APLP2: variants seen among roughly 807,000 people sequenced by gnomAD.
APLP2 encodes CDEI box-binding protein.
A neutral mutation model predicts 89.9 loss-of-function variants in APLP2; 53 were observed. That is an observed-to-expected ratio of 0.59 (90% confidence interval 0.47 to 0.74). The LOEUF is 0.74. Among genes scored for constraint, APLP2 ranks in the 30% least tolerant of loss-of-function variants. The pLI is 0.00. For synonymous variants in APLP2, 372 were observed against 348.6 expected, an observed-to-expected ratio of 1.07 and a Z score of -0.75; for missense variants, 973 against 975.9, an observed-to-expected ratio of 1.00 and a Z score of 0.04.
In APLP2 at chr11:130,142,012, G is replaced by A. The variant is rs367626362; in HGVS notation, c.2092G>A (p.Val698Ile). 131 of 1,613,824 alleles carry A rather than the reference G, an allele frequency of 8.1e-5. 1 individual carries two copies. Among genetic ancestry groups the A allele is most frequent in the Non-Finnish European group, 1.0e-4 (123 of 1,180,006 alleles). The change falls in exon 16 of 17, where the codon GTC (valine) becomes ATC (isoleucine). Residue 698 changes from valine to isoleucine, a missense_variant. Val to Ile is a conservative substitution (Grantham distance 29). Coordinates refer to ENST00000338167, the MANE Select transcript of APLP2 (RefSeq NM_001142276.2). The stretch of plus-strand genomic sequence containing the variant: ...CGCAGTGGCCATTGCCACGGTCATC[G>A]TCATCAGCCTGGTGATGCTGAGGAA... ...VIAVAIATVI[V>I]ISLVMLRKRQ...
intron 1 of APLP2, among the ~76,000 whole-genome samples, chr11:130,099,129 G>A (rs1250680567): frequency 3.9e-5 from 6 of 152,090 alleles, no homozygotes; most frequent in African/African-American, 9.7e-5. Context: ...TAATTCTGAG[G>A]CCTCCTGCCT....
At chr11:130,132,223 A>G (rs1951010445) in intron 11 of APLP2, among the ~76,000 whole-genome samples, 1 of 152,030 alleles carries the variant, frequency 6.6e-6, no homozygotes, top group Non-Finnish European at 1.5e-5. Context: ...CTTCATTTGC[A>G]TTTTTTCTTC....
intron 1 of APLP2, among the ~76,000 whole-genome samples, chr11:130,092,477 C>T (rs1206666989): frequency 4.9e-4 from 67 of 136,180 alleles, no homozygotes; most frequent in Non-Finnish European, 6.6e-4. Flanking sequence ...CCCGGCACCT[C>T]GGGAGGCCGA....
rs746348343 is a variant in APLP2, at chr11:130,130,157, G to A, written c.1575G>A (p.Met525Ile). Reference sequence around the variant, plus strand: ...TTGACCCAGAAAAGGCGGCCCAGATGAAATCCCAGGTACAGTAGATGTAGT... The same window carrying A: ...TTGACCCAGAAAAGGCGGCCCAGATAAAATCCCAGGTACAGTAGATGTAGT... ...LAVDPEKAAQ[M>I]KSQVMTHLHV... is the part of the protein sequence containing the mutation. The change falls in exon 11 of 17, where the codon ATG (methionine) becomes ATA (isoleucine). Residue 525 changes from methionine (M) to isoleucine (I), a missense_variant. Transcript: ENST00000338167. The A allele has an allele frequency of 1.9e-6, 3 of 1,614,226 alleles. No individual in the cohort carries two copies. Among genetic ancestry groups the A allele is most frequent in the Non-Finnish European group, 8.5e-7 (1 of 1,180,044 alleles).
At chr11:130,070,134 C>G in intron 1 of APLP2, 52 bp downstream of exon 1, 1 of 1,208,868 alleles carries the variant, frequency 8.3e-7, no homozygotes, top group Non-Finnish European at 1.1e-6. Flanking sequence ...GCCGGAGGAG[C>G]GCGGACTGCG....
intron 1 of APLP2, among the ~76,000 whole-genome samples, chr11:130,079,976 G>T (rs188421756): frequency 5.0e-4 from 76 of 152,268 alleles, no homozygotes; most frequent in African/African-American, 1.8e-3. Flanking sequence ...AGTATAAGAT[G>T]ATGATATGAA....
At chr11:130,116,687 G>C (rs1949216350) in intron 3 of APLP2, among the ~76,000 whole-genome samples, 1 of 151,790 alleles carries the variant, frequency 6.6e-6, no homozygotes, top group South Asian at 2.1e-4. Flanking sequence ...GGCCAGGCTG[G>C]TCTTGAACTC....
At chr11:130,074,757 TG>T (rs1941807477) in intron 1 of APLP2, among the ~76,000 whole-genome samples, 1 of 152,216 alleles carries the variant, frequency 6.6e-6, no homozygotes, top group Non-Finnish European at 1.5e-5. Context: ...TTTATAAAAA[TG>T]GCACATACTG....
chr11:130,070,120 G>T (rs1294501207), intron 1 of APLP2, 38 bp downstream of exon 1: 6 of 1,291,514 alleles, frequency 4.6e-6, no homozygotes, highest in Admixed American at 4.1e-5. Flanking sequence ...CGTCTCCTTC[G>T]CCCGCCGGAG....
intron 3 of APLP2, 55 bp downstream of exon 3, chr11:130,110,716 T>C: frequency 1.3e-6 from 2 of 1,533,274 alleles, no homozygotes; most frequent in Non-Finnish European, 8.7e-7. Context: ...ATTTTAAATT[T>C]AATTTTCTCT....
chr11:130,109,457 T>C lies in APLP2; in HGVS notation c.134T>C (p.Phe45Ser). 1 of 1,613,430 alleles carries C rather than the reference T, an allele frequency of 6.2e-7. No homozygotes were observed. Among genetic ancestry groups the C allele is most frequent in the Non-Finnish European group, 8.5e-7 (1 of 1,179,726 alleles). ...EALAANAGTG[F>S]AVAEPQIAMF... ...CTTGCAGCCAATGCCGGAACAGGAT[T>C]TGCTGTTGCTGAGCCTCAAATCGCA... Residue 45 changes from phenylalanine to serine, a missense_variant, in exon 2 of 17, where the codon TTT (phenylalanine) becomes TCT (serine). By Grantham distance (155) the Phe-to-Ser change is radical (BLOSUM62 -2). Coordinates refer to ENST00000338167, the MANE Select transcript of APLP2 (RefSeq NM_001142276.2).
chr11:130,086,810 G>A (rs1944190294), intron 1 of APLP2, among the ~76,000 whole-genome samples: 1 of 151,084 alleles, frequency 6.6e-6, no homozygotes, highest in Non-Finnish European at 1.5e-5. Flanking sequence ...GACCAAACAT[G>A]TGAGGATTTA....
At chr11:130,142,557 G>T (rs981567188) in intron 16 of APLP2, among the ~76,000 whole-genome samples, 1 of 152,098 alleles carries the variant, frequency 6.6e-6, no homozygotes, top group Non-Finnish European at 1.5e-5. Flanking sequence ...GGACCTTAAT[G>T]AGCCCTGGGA....
intron 1 of APLP2, among the ~76,000 whole-genome samples, chr11:130,086,643 TTA>T (rs1944166323): frequency 1.3e-5 from 2 of 152,218 alleles, no homozygotes; most frequent in South Asian, 4.1e-4. Flanking sequence ...GCTAAGAGTT[TTA>T]TAGTCTTAGC....
intron 1 of APLP2, chr11:130,082,740 G>T: frequency 4.2e-6 from 1 of 236,590 alleles, no homozygotes; most frequent in East Asian, 1.3e-4. Context: ...GCCTAGTTTT[G>T]TTAGAGGCTG....
chr11:130,083,021 CTTTTCTTTT>C (rs1183653357), intron 1 of APLP2, among the ~76,000 whole-genome samples: 12 of 79,974 alleles, frequency 1.5e-4, no homozygotes, highest in African/African-American at 4.1e-4. Flanking sequence ...TGAAACTTTT[CTTTTCTTTT>C]TTTTTTTTTT....
intron 1 of APLP2, among the ~76,000 whole-genome samples, chr11:130,078,601 C>G (rs183817358): frequency 1.3e-5 from 2 of 151,950 alleles, no homozygotes; most frequent in East Asian, 3.9e-4. Context: ...ATTTTTTTGC[C>G]TTTCGCTTTT....
At chr11:130,083,180 C>T (rs146362466) in intron 1 of APLP2, among the ~76,000 whole-genome samples, 9 of 151,866 alleles carry the variant, frequency 5.9e-5, no homozygotes, top group South Asian at 2.1e-4. Flanking sequence ...GGATCACAGG[C>T]GTTGAGCCAT....
intron 3 of APLP2, among the ~76,000 whole-genome samples, chr11:130,115,253 A>G (rs1327607973): frequency 6.6e-6 from 1 of 152,058 alleles, no homozygotes; most frequent in African/African-American, 2.4e-5. Context: ...AGGTGTCTGT[A>G]TTTATGGAGT....
Sources: allele counts gnomAD v4.1 joint callset (sites outside exome capture counted in the v4.1 genomes callset), GRCh38; gene constraint gnomAD v4.1.1; transcripts MANE v1.5; gene names NCBI Gene and HGNC (gene_info 2026-07-23, HGNC 2026-07-21).